ZCCHC24: variants seen among roughly 807,000 people sequenced by gnomAD.
The protein encoded by ZCCHC24 is zinc finger CCHC domain-containing protein 24.
In ZCCHC24, 10 loss-of-function variants were observed where a neutral mutation model predicts 26.2. The ratio of observed to expected loss-of-function variants is 0.38; its 90% CI spans 0.24 to 0.65. ZCCHC24 has a LOEUF of 0.65. ZCCHC24 is among the 30% of genes least tolerant of loss of function. The pLI, the probability that ZCCHC24 is intolerant of heterozygous loss-of-function variation, is 0.54. For synonymous variants in ZCCHC24, 144 were observed against 147.1 expected (o/e 0.98, Z 0.15); for missense variants, 243 against 329.1 (o/e 0.74, Z 2.03).
chr10:79,391,805 C>T (rs942108532), intron 3 of ZCCHC24, among the ~76,000 whole-genome samples: 2 of 151,464 alleles, frequency 1.3e-5, no homozygotes, highest in Non-Finnish European at 2.9e-5. Flanking sequence ...CCGGAGCGCT[C>T]TCCCCTCCTG....
chr10:79,434,960 C>A (rs1436999117), intron 1 of ZCCHC24, among the ~76,000 whole-genome samples: 1 of 152,098 alleles, frequency 6.6e-6, no homozygotes, highest in African/African-American at 2.4e-5. Flanking sequence ...ACCAGCCCAG[C>A]CCCACCCAGC....
Position 79,386,223 on chromosome 10 carries a change from G to T in ZCCHC24, c.*122C>A. 1.2e-6 allele frequency: 1 copy of T among 849,892 alleles called. No individual in the cohort carries two copies. Among genetic ancestry groups the T allele is most frequent in the Non-Finnish European group, 1.9e-6 (1 of 520,762 alleles). 52.6% of individuals were successfully genotyped at this position (849,892 alleles called of 1,614,324 possible). A position where few individuals can be genotyped will look rare whatever the true frequency, so the allele number is the denominator to read the frequency against. ...AAGGACGCTAAGAGCCCCCGGCCCA[G>T]CCCCGCAGGCCTGCGAGGGCACCCC... On this transcript the variant is annotated 3_prime_UTR_variant, in exon 4 of 4. Coordinates refer to ENST00000372336, the MANE Select transcript of ZCCHC24 (RefSeq NM_153367.4).
intron 2 of ZCCHC24, among the ~76,000 whole-genome samples, chr10:79,429,996 G>C (rs893422714): frequency 2.6e-5 from 4 of 152,128 alleles, no homozygotes; most frequent in Non-Finnish European, 4.4e-5. Context: ...GGCCAGGTGA[G>C]GGGTAGACAG....
chr10:79,444,784 G>A (rs1391728868), intron 1 of ZCCHC24, among the ~76,000 whole-genome samples: 1 of 152,236 alleles, frequency 6.6e-6, no homozygotes, highest in South Asian at 2.1e-4. Flanking sequence ...GTCCCAGCCC[G>A]CGGTGGCCAG....
In ZCCHC24 at chr10:79,417,613, A is replaced by G. The variant is rs148665047; in HGVS notation, c.447+14945T>C. 4.6e-3 allele frequency among the ~76,000 whole-genome samples: 707 copies of G among 152,322 alleles called. 3 individuals are homozygous for G. The highest frequency in any genetic ancestry group is 0.016 in the African/African-American group (678 of 41,560). On this transcript the variant is annotated intron_variant, in intron 2 of 3. Coordinates refer to ENST00000372336, the MANE Select transcript of ZCCHC24 (RefSeq NM_153367.4). ...AAGTTATGTAATCTGTTACAAAAGA[A>G]AAGAGGAAGAAAGGATGAGAGACAG... is the stretch of plus-strand genomic sequence containing the variant.
At chr10:79,409,795 C>T (rs1015955216) in intron 2 of ZCCHC24, among the ~76,000 whole-genome samples, 1 of 152,208 alleles carries the variant, frequency 6.6e-6, no homozygotes, top group Non-Finnish European at 1.5e-5. Flanking sequence ...CAGTGGTGTC[C>T]CACCCGGGCA....
At chr10:79,421,856 T>C (rs1371016386) in intron 2 of ZCCHC24, among the ~76,000 whole-genome samples, 2 of 152,272 alleles carry the variant, frequency 1.3e-5, no homozygotes, top group Admixed American at 6.5e-5. Flanking sequence ...CTCAAACTCC[T>C]GACCTCAGGC....
intron 2 of ZCCHC24, among the ~76,000 whole-genome samples, chr10:79,413,986 A>C (rs1856829971): frequency 6.6e-6 from 1 of 152,194 alleles, no homozygotes; most frequent in Admixed American, 6.5e-5. Flanking sequence ...TCCACCTTCC[A>C]GTCCTCTACA....
chr10:79,412,353 TGTGCGAGTGTGCACAG>T (rs1856804347), intron 2 of ZCCHC24, among the ~76,000 whole-genome samples: 1 of 152,210 alleles, frequency 6.6e-6, no homozygotes, highest in South Asian at 2.1e-4. Context: ...CATGAGCCTC[TGTGCGAGTGTGCACAG>T]GTGCATCGGT....
At chr10:79,426,244 C>A (rs531055813) in intron 2 of ZCCHC24, among the ~76,000 whole-genome samples, 1 of 152,350 alleles carries the variant, frequency 6.6e-6, no homozygotes, top group South Asian at 2.1e-4. Context: ...CCTCCTCAGA[C>A]CCCGGGGGCT....
At chr10:79,392,829 C>T (rs1277967488) in intron 3 of ZCCHC24, among the ~76,000 whole-genome samples, 1 of 152,258 alleles carries the variant, frequency 6.6e-6, no homozygotes, top group African/African-American at 2.4e-5. Context: ...GCTTCTCAAA[C>T]CTTGGTTGTA....
intron 3 of ZCCHC24, among the ~76,000 whole-genome samples, chr10:79,387,460 A>G (rs1856413417): frequency 6.6e-6 from 1 of 152,168 alleles, no homozygotes; most frequent in Non-Finnish European, 1.5e-5. Context: ...TCCCTGGAGA[A>G]TTTATGGAGG....
At chr10:79,423,042 T>C (rs1046213617) in intron 2 of ZCCHC24, among the ~76,000 whole-genome samples, 2 of 152,134 alleles carry the variant, frequency 1.3e-5, no homozygotes, top group African/African-American at 4.8e-5. Context: ...CACGTCAACA[T>C]CAGGATCCTT....
At chr10:79,425,567 G>T (rs1589674047) in intron 2 of ZCCHC24, among the ~76,000 whole-genome samples, 1 of 152,186 alleles carries the variant, frequency 6.6e-6, no homozygotes. Context: ...ATGCGCTCTG[G>T]AATCAGGAGC....
intron 2 of ZCCHC24, among the ~76,000 whole-genome samples, chr10:79,399,350 A>C (rs1396321762): frequency 1.3e-5 from 2 of 152,208 alleles, no homozygotes; most frequent in Non-Finnish European, 2.9e-5. Flanking sequence ...GCCTCTTCTC[A>C]TAAACTTCAG....
chr10:79,393,016 G>A (rs943084024), intron 3 of ZCCHC24, among the ~76,000 whole-genome samples: 2 of 152,110 alleles, frequency 1.3e-5, no homozygotes, highest in Non-Finnish European at 2.9e-5. Flanking sequence ...AGGCTTCTAG[G>A]ACTCCACACC....
At chr10:79,408,119 C>A (rs1856743213) in intron 2 of ZCCHC24, among the ~76,000 whole-genome samples, 1 of 152,262 alleles carries the variant, frequency 6.6e-6, no homozygotes, top group South Asian at 2.1e-4. Flanking sequence ...TTGGCACCAA[C>A]ACACACAGCT....
At chr10:79,387,949 A>C (rs565680628) in intron 3 of ZCCHC24, among the ~76,000 whole-genome samples, 9 of 152,212 alleles carry the variant, frequency 5.9e-5, no homozygotes, top group Admixed American at 3.9e-4. Context: ...GCCTGGAGGG[A>C]AAGACAGGCA....
intron 1 of ZCCHC24, among the ~76,000 whole-genome samples, chr10:79,435,159 AAAT>A (rs1271483425): frequency 1.3e-5 from 2 of 152,072 alleles, no homozygotes; most frequent in Non-Finnish European, 2.9e-5. Flanking sequence ...ACAATTTCAC[AAAT>A]AACAACCCTC....
Sources: gnomAD v4.1 joint callset for allele counts (sites outside exome capture counted in the v4.1 genomes callset) on GRCh38, gnomAD v4.1.1 for gene constraint, MANE v1.5 for transcripts, NCBI Gene and HGNC (gene_info 2026-07-23, HGNC 2026-07-21) for gene names.